The following CFAP53 variants were observed in gnomAD, a reference collection of about 807,000 sequenced individuals.
The protein encoded by CFAP53 is cilia- and flagella-associated protein 53.
A neutral mutation model predicts 59.7 loss-of-function variants in CFAP53; 62 were observed. That is an observed-to-expected ratio of 1.04 (90% CI 0.85 to 1.28). The LOEUF (loss-of-function observed/expected upper bound fraction) is 1.28. Ranked by LOEUF, CFAP53 falls within the 50% of genes most tolerant of loss-of-function variation. The pLI is 0.00. For missense variants in CFAP53, 629 were observed against 615.6 expected, an observed-to-expected ratio of 1.02 and a Z score of -0.23; for synonymous variants, 218 against 205.7, an observed-to-expected ratio of 1.06 and a Z score of -0.51.
chr18:50,256,061 G>A (rs2144429047), intron 3 of CFAP53: 1 of 152,248 alleles, frequency 6.6e-6, no homozygotes, highest in African/African-American at 2.4e-5. Flanking sequence ...TATTACTATA[G>A]GATACATTCG....
At chr18:50,230,117 A>G (rs2033565872) in intron 7 of CFAP53, among the ~76,000 whole-genome samples, 2 of 152,192 alleles carry the variant, frequency 1.3e-5, no homozygotes, top group Admixed American at 6.5e-5. Context: ...CTGTGGTATA[A>G]TAAGAATTAT....
intron 6 of CFAP53, among the ~76,000 whole-genome samples, chr18:50,242,647 C>G (rs11082812): frequency 0.64 from 97,221 of 152,016 alleles, 31,978 homozygotes; most frequent in Admixed American, 0.73. Context: ...TTCTAATCAC[C>G]AAGACATACA....
In CFAP53 at chr18:50,227,569, T is replaced by C. The variant is rs202208883; in HGVS notation, c.1357A>G (p.Met453Val). The change falls in exon 8 of 8, where the codon ATG becomes GTG. Residue 453 changes from methionine (M) to valine (V), a missense_variant. Met to Val is a conservative substitution (Grantham distance 21, BLOSUM62 1). Coordinates refer to ENST00000398545, the MANE Select transcript of CFAP53 (RefSeq NM_145020.5). ...GACTGCTGCTGGTAGGCGATTTGCA[T>C]CTGAAGTTGCTTCCTGTACTCCTGG... ...LAQEYRKQLQ[M>V]QIAYQQQSQE... 2.2e-5 allele frequency: 36 copies of C among 1,614,108 alleles called. No individual in the cohort carries two copies. The highest frequency in any genetic ancestry group is 2.5e-6 in the Non-Finnish European group (3 of 1,180,046).
chr18:50,231,089 C>T (rs2033579431), intron 7 of CFAP53, among the ~76,000 whole-genome samples: 1 of 152,200 alleles, frequency 6.6e-6, no homozygotes, highest in Non-Finnish European at 1.5e-5. Flanking sequence ...TTCTGCTTAA[C>T]ATCAAATGCT....
intron 5 of CFAP53, among the ~76,000 whole-genome samples, chr18:50,245,918 G>A (rs1476118318): frequency 6.6e-6 from 1 of 151,992 alleles, no homozygotes. Flanking sequence ...ATGGTGGAGT[G>A]TCACTCTTGT....
chr18:50,253,584 A>G (rs2033821093), intron 3 of CFAP53, among the ~76,000 whole-genome samples: 1 of 152,246 alleles, frequency 6.6e-6, no homozygotes, highest in Admixed American at 6.5e-5. Flanking sequence ...TAAGCACTTT[A>G]ACACATATGA....
At chr18:50,232,901 C>T (rs2033596236) in intron 7 of CFAP53, among the ~76,000 whole-genome samples, 2 of 152,150 alleles carry the variant, frequency 1.3e-5, no homozygotes, top group South Asian at 4.1e-4. Context: ...TTTTTCTGTT[C>T]AATCCAGGGG....
chr18:50,248,381 TA>T (rs2033766152), intron 5 of CFAP53, among the ~76,000 whole-genome samples: 1 of 152,198 alleles, frequency 6.6e-6, no homozygotes, highest in Non-Finnish European at 1.5e-5. Context: ...GGTGGGAATG[TA>T]ACATGGTATG....
chr18:50,237,178 T>A lies in CFAP53; in HGVS notation c.1316+1425A>T, dbSNP rs137955641. 7.4e-3 allele frequency among the ~76,000 whole-genome samples: 1,100 copies of A among 149,394 alleles called. 15 individuals are homozygous for A. The highest frequency in any genetic ancestry group is 0.025 in the African/African-American group (1,018 of 40,670). On this transcript the variant is annotated intron_variant, in intron 7 of 7. Coordinates refer to ENST00000398545, the MANE Select transcript of CFAP53 (RefSeq NM_145020.5). ...AAAATTAGCCAGGCATGGTGGTGCA[T>A]GCCTGTAATCCTAGGTATTTGAGTG... is the stretch of plus-strand genomic sequence containing the variant.
chr18:50,244,101 G>T (rs1276186790), intron 5 of CFAP53, among the ~76,000 whole-genome samples: 2 of 152,170 alleles, frequency 1.3e-5, no homozygotes, highest in Non-Finnish European at 2.9e-5. Flanking sequence ...GGCATTTTTA[G>T]TTGGCTACTG....
Position 50,242,949 on chromosome 18 carries a change from C to T in CFAP53, c.1164G>A (p.Gln388=), listed in dbSNP as rs372297591. 89 of 1,613,888 alleles carry T rather than the reference C, an allele frequency of 5.5e-5. No homozygotes were observed. Among genetic ancestry groups the T allele is most frequent in the Non-Finnish European group, 7.4e-5 (87 of 1,180,036 alleles). The change falls in exon 6 of 8, where the codon CAG becomes CAA. Residue 388 remains glutamine, a synonymous_variant. Transcript: ENST00000398545. ...TTGTACACATGACCTCATCCACAAG[C>T]TGTCTCCTTGCCTCCTTTTCAAGTC... ...ELRLEKEARR[Q]LVDEVMCTRK...
At chr18:50,233,599 G>A (rs979339326) in intron 7 of CFAP53, among the ~76,000 whole-genome samples, 1 of 152,056 alleles carries the variant, frequency 6.6e-6, no homozygotes, top group African/African-American at 2.4e-5. Context: ...CCTTCTTCTC[G>A]CCTGTCTCCC....
chr18:50,264,455 A>C (rs1217233238), intron 1 of CFAP53, among the ~76,000 whole-genome samples: 2 of 152,230 alleles, frequency 1.3e-5, no homozygotes. Context: ...CACCTGTCAA[A>C]TGAGCAAAAT....
In CFAP53 at chr18:50,261,146, T is replaced by C; in HGVS notation, c.391A>G (p.Arg131Gly). Residue 131 changes from arginine to glycine, a missense_variant, in exon 3 of 8, where the codon AGA becomes GGA. Physicochemically the swap from Arg to Gly is moderately radical, Grantham distance 125 (BLOSUM62 -2). Transcript: ENST00000398545. Reference protein sequence around the residue: ...ETIEEKKDRMREKTKLLKEKN... With the variant: ...ETIEEKKDRMGEKTKLLKEKN... Reference sequence around the variant, plus strand: ...TCTTTTAGTAATTTAGTTTTCTCTCTCATCCTATCTTTTTTCTCCTCAATG... The same window carrying C: ...TCTTTTAGTAATTTAGTTTTCTCTCCCATCCTATCTTTTTTCTCCTCAATG... 1.3e-6 allele frequency: 2 copies of C among 1,598,598 alleles called. No homozygotes were observed. The highest frequency in any genetic ancestry group is 1.7e-6 in the Non-Finnish European group (2 of 1,175,940).
At chr18:50,251,365 G>A (rs763379779) in intron 4 of CFAP53, 116 bp downstream of exon 4, 6 of 894,914 alleles carry the variant, frequency 6.7e-6, no homozygotes, top group Non-Finnish European at 1.0e-5. Flanking sequence ...GTCCAAAAAT[G>A]GAAATGTGCC....
chr18:50,259,755 A>G (rs1339246969), intron 3 of CFAP53, among the ~76,000 whole-genome samples: 1 of 152,050 alleles, frequency 6.6e-6, no homozygotes. Flanking sequence ...TTTTGTGGAA[A>G]TAAGGTCCCA....
intron 1 of CFAP53, 42 bp downstream of exon 1, chr18:50,266,294 T>G (rs375508815): frequency 2.5e-5 from 40 of 1,594,700 alleles, no homozygotes; most frequent in Admixed American, 3.3e-5. Context: ...TGCGGAGAGA[T>G]GGAGAAAGCT....
chr18:50,251,874 C>G (rs1478621846), intron 3 of CFAP53, 90 bp from the exon 4 acceptor site: 3 of 1,154,064 alleles, frequency 2.6e-6, no homozygotes, highest in Non-Finnish European at 3.7e-6. Flanking sequence ...CACAATGAAG[C>G]AAGAAAAATC....
intron 5 of CFAP53, among the ~76,000 whole-genome samples, chr18:50,246,975 G>T (rs1417050694): frequency 6.6e-6 from 1 of 151,990 alleles, no homozygotes; most frequent in East Asian, 1.9e-4. Flanking sequence ...TTGAACCTGG[G>T]AGGTGGAGGT....
Sources: allele counts gnomAD v4.1 joint callset (sites outside exome capture counted in the v4.1 genomes callset), GRCh38; gene constraint gnomAD v4.1.1; transcripts MANE v1.5; gene names NCBI Gene and HGNC (gene_info 2026-07-23, HGNC 2026-07-21).